The following UBR3 variants were observed in gnomAD, a reference collection of about 807,000 sequenced individuals.
The protein encoded by UBR3 is E3 ubiquitin-protein ligase UBR3.
A neutral mutation model predicts 243.2 loss-of-function variants in UBR3; 85 were observed. The observed-to-expected ratio is 0.35, with a 90% CI of 0.29 to 0.42. The LOEUF is 0.42. Among genes scored for constraint, UBR3 ranks in the 10% least tolerant of loss-of-function variants. The pLI, the probability that UBR3 is intolerant of heterozygous loss-of-function variation, is 1.00. For synonymous variants in UBR3, 748 were observed against 799.8 expected, an observed-to-expected ratio of 0.94 and a Z score of 1.09; for missense variants, 1,686 against 2,300.8, an observed-to-expected ratio of 0.73 and a Z score of 5.47.
At chr2:169,905,343 G>A in intron 9 of UBR3, 50 bp downstream of exon 9, 2 of 1,328,578 alleles carry the variant, frequency 1.5e-6, no homozygotes, top group Non-Finnish European at 2.0e-6. Flanking sequence ...AATTCCTAAT[G>A]CTAAATTATT....
intron 25 of UBR3, among the ~76,000 whole-genome samples, chr2:169,990,875 A>C (rs112528459): frequency 7.1e-6 from 1 of 140,216 alleles, no homozygotes; most frequent in East Asian, 2.1e-4. Context: ...ATTTTTTTTT[A>C]AAGTTAATAA....
chr2:170,044,918 C>T (rs2091047754), intron 32 of UBR3, among the ~76,000 whole-genome samples: 1 of 151,986 alleles, frequency 6.6e-6, no homozygotes, highest in Non-Finnish European at 1.5e-5. Context: ...ATTATTATCT[C>T]CTTAGATGAT....
chr2:170,050,249 A>G (rs1452389427), intron 32 of UBR3, among the ~76,000 whole-genome samples: 2 of 152,164 alleles, frequency 1.3e-5, no homozygotes, highest in Non-Finnish European at 2.9e-5. Context: ...TGTAGACTAG[A>G]CTTTTTGGAG....
chr2:170,047,292 G>A (rs2091114177), intron 32 of UBR3, among the ~76,000 whole-genome samples: 1 of 152,164 alleles, frequency 6.6e-6, no homozygotes, highest in South Asian at 2.1e-4. Context: ...TTACAGGCAT[G>A]AGCCACTGTG....
At chr2:169,886,313 T>C (rs536819792) in intron 5 of UBR3, among the ~76,000 whole-genome samples, 2 of 152,186 alleles carry the variant, frequency 1.3e-5, no homozygotes, top group Non-Finnish European at 1.5e-5. Context: ...TCTTTTCCAG[T>C]GCAGGAATTG....
chr2:170,078,263 C>T lies in UBR3; in HGVS notation c.5200-1551C>T, dbSNP rs1365195460. ...ATCCAAATGATATCCATGGCATTTACAGTGTAATTCAATATATTTGATCTG... is the reference window on the plus strand; with the variant it reads ...ATCCAAATGATATCCATGGCATTTATAGTGTAATTCAATATATTTGATCTG... On this transcript the variant is annotated intron_variant, in intron 36 of 38. Transcript: ENST00000272793. 2.2e-5 allele frequency: 9 copies of T among 412,930 alleles called. No homozygotes were observed. In the East Asian group the frequency reaches 4.0e-4, roughly 18 times the overall value. The allele number at this position is 412,930 out of a possible 1,614,324, so 25.6% of individuals were successfully genotyped here. A position where few individuals can be genotyped will look rare whatever the true frequency, so the allele number is the denominator to read the frequency against.
intron 8 of UBR3, among the ~76,000 whole-genome samples, chr2:169,899,559 G>A (rs1414765428): frequency 1.3e-5 from 2 of 151,876 alleles, no homozygotes; most frequent in South Asian, 2.1e-4. Flanking sequence ...TACAGAATGC[G>A]CAGGTTTGTT....
chr2:169,890,581 G>GTATATA (rs1207236594), intron 5 of UBR3, among the ~76,000 whole-genome samples: 1 of 96,528 alleles, frequency 1.0e-5, no homozygotes, highest in Non-Finnish European at 1.9e-5. Flanking sequence ...ATATATATAT[G>GTATATA]TATATATATA....
intron 37 of UBR3, 192 bp downstream of exon 37, chr2:170,080,215 C>T: frequency 1.6e-6 from 1 of 607,168 alleles, no homozygotes; most frequent in Non-Finnish European, 2.8e-6. Context: ...GTAAATCCTT[C>T]CTTAAGTACA....
intron 29 of UBR3, among the ~76,000 whole-genome samples, chr2:170,009,924 C>G (rs1457352796): frequency 6.6e-6 from 1 of 151,910 alleles, no homozygotes; most frequent in Non-Finnish European, 1.5e-5. Flanking sequence ...CAGAGGGTAA[C>G]AAAAGAGTAA....
chr2:169,922,331 T>C (rs2085736557), intron 11 of UBR3, among the ~76,000 whole-genome samples: 1 of 151,740 alleles, frequency 6.6e-6, no homozygotes, highest in African/African-American at 2.4e-5. Flanking sequence ...TCCACTGTGC[T>C]TAGTGCCTCA....
intron 5 of UBR3, among the ~76,000 whole-genome samples, chr2:169,890,583 A>ACG (rs2084331348): frequency 1.1e-5 from 1 of 94,122 alleles, no homozygotes; most frequent in Admixed American, 1.1e-4. Context: ...ATATATATGT[A>ACG]TATATATATG....
intron 13 of UBR3, 116 bp from the exon 14 acceptor site, chr2:169,925,503 A>T (rs1429096822): frequency 6.7e-6 from 6 of 897,218 alleles, no homozygotes. Flanking sequence ...AACATTGGAC[A>T]GAATATCGGG....
At chr2:170,016,118 T>C (rs968836999) in intron 30 of UBR3, among the ~76,000 whole-genome samples, 1 of 150,392 alleles carries the variant, frequency 6.6e-6, no homozygotes, top group Non-Finnish European at 1.5e-5. Flanking sequence ...ATATATATTC[T>C]CAAATACTAA....
At chr2:169,861,266 C>G (rs777152073) in intron 1 of UBR3, among the ~76,000 whole-genome samples, 1 of 152,224 alleles carries the variant, frequency 6.6e-6, no homozygotes, top group Non-Finnish European at 1.5e-5. Flanking sequence ...CCATCACAAA[C>G]TCTTTGACCA....
chr2:169,981,764 G>A (rs918756551), intron 24 of UBR3, among the ~76,000 whole-genome samples: 26 of 151,832 alleles, frequency 1.7e-4, no homozygotes, highest in Non-Finnish European at 2.1e-4. Flanking sequence ...AACTGTGGGG[G>A]GGAGGGTACA....
At position 169,891,224 on chromosome 2, in the gene UBR3, C is replaced by T; in HGVS notation, c.1098C>T (p.Gly366=). The change falls in exon 6 of 39, where the codon GGC becomes GGT. Residue 366 remains glycine, a synonymous_variant. Transcript: ENST00000272793. ...GKRKRVKLSS[G]TKDQSIMDVL... Reference sequence around the variant, plus strand: ...GAAAAAGGGTAAAACTAAGCAGTGGCACCAAAGGTATTTGTATTTATTATT... The same window carrying T: ...GAAAAAGGGTAAAACTAAGCAGTGGTACCAAAGGTATTTGTATTTATTATT... 6.5e-7 allele frequency: 1 copy of T among 1,548,294 alleles called. No individual in the cohort carries two copies.
intron 1 of UBR3, among the ~76,000 whole-genome samples, chr2:169,846,984 C>G (rs1423292726): frequency 6.6e-6 from 1 of 152,136 alleles, no homozygotes; most frequent in Non-Finnish European, 1.5e-5. Flanking sequence ...AATCTGCTGG[C>G]CCCTTGGCCT....
At chr2:170,007,275 C>T in intron 28 of UBR3, 85 bp downstream of exon 28, 1 of 1,400,886 alleles carries the variant, frequency 7.1e-7, no homozygotes, top group South Asian at 1.4e-5. Context: ...ATAAATTACT[C>T]TGGACTTTTA....
Sources: gnomAD v4.1 joint callset for allele counts (sites outside exome capture counted in the v4.1 genomes callset) on GRCh38, gnomAD v4.1.1 for gene constraint, MANE v1.5 for transcripts, NCBI Gene and HGNC (gene_info 2026-07-23, HGNC 2026-07-21) for gene names.